Variants in RGS2 observed in about 807,000 individuals in gnomAD.
The protein encoded by RGS2 is regulator of G protein signaling 2.
In RGS2, 20 loss-of-function variants were observed where a neutral mutation model predicts 26.6. That is an observed-to-expected ratio of 0.75 (90% CI 0.53 to 1.09). The LOEUF (loss-of-function observed/expected upper bound fraction) is 1.09, where lower values mean the gene tolerates loss of function less well. Ranked by LOEUF, RGS2 falls within the 50% of genes least tolerant of loss-of-function variation. The pLI is 0.00. For synonymous variants in RGS2, 97 were observed against 79.9 expected (o/e 1.21, Z -1.14); for missense variants, 246 against 245.5 (o/e 1.00, Z -0.01).
At chr1:192,810,867 A>G in intron 3 of RGS2, 114 bp from the exon 4 acceptor site, 1 of 1,242,024 alleles carries the variant, frequency 8.1e-7, no homozygotes, top group South Asian at 1.2e-5. Context: ...TTTGAGCGAA[A>G]TCTAGAAAAT....
chr1:192,809,699 T>A (rs1294868929), intron 1 of RGS2, among the ~76,000 whole-genome samples: 4 of 151,828 alleles, frequency 2.6e-5, no homozygotes, highest in Admixed American at 2.6e-4. Flanking sequence ...GGGGAATCAG[T>A]CACCCACCTC....
In RGS2 at chr1:192,809,105, G is replaced by T. The variant is rs372230356; in HGVS notation, c.34G>T (p.Asp12Tyr). The T allele has an allele frequency of 4.3e-6, 7 of 1,613,914 alleles. No individual in the cohort carries two copies. The highest frequency in any genetic ancestry group is 1.3e-5 in the African/African-American group (1 of 74,920). The stretch of plus-strand genomic sequence containing the variant: ...TGCTATGTTCTTGGCTGTTCAACAC[G>T]ACTGCAGACCCATGGACAAGAGCGC... ...QSAMFLAVQHDCRPMDKSAGS... is the reference protein window; with the variant it reads ...QSAMFLAVQHYCRPMDKSAGS... Residue 12 changes from aspartate to tyrosine, a missense_variant, in exon 1 of 5, where the codon GAC becomes TAC. By Grantham distance (160) the Asp-to-Tyr change is radical. Coordinates refer to ENST00000235382, the MANE Select transcript of RGS2 (RefSeq NM_002923.4).
Position 192,811,070 on chromosome 1 carries a change from A to G in RGS2, c.364A>G (p.Thr122Ala). The G allele has an allele frequency of 6.2e-7, 1 of 1,614,166 alleles. No homozygotes were observed. Among genetic ancestry groups the G allele is most frequent in the Non-Finnish European group, 8.5e-7 (1 of 1,180,016 alleles). Residue 122 changes from threonine to alanine, a missense_variant, in exon 4 of 5, where the codon ACC (threonine) becomes GCC (alanine). Transcript: ENST00000235382. ...GCTGGCCTGTGAAGACTTCAAAAAAACCAAATCACCCCAAAAGCTGTCCTC... is the reference window on the plus strand; with the variant it reads ...GCTGGCCTGTGAAGACTTCAAAAAAGCCAAATCACCCCAAAAGCTGTCCTC... ...FWLACEDFKK[T>A]KSPQKLSSKA... is the part of the protein sequence containing the mutation.
chr1:192,810,733 C>G (rs186294942), intron 3 of RGS2: 1 of 609,838 alleles, frequency 1.6e-6, no homozygotes, highest in South Asian at 2.0e-5. Flanking sequence ...ATTTATGGCT[C>G]CCCTATAAAT....
intron 3 of RGS2, 199 bp downstream of exon 3, chr1:192,810,630 C>G: frequency 3.1e-6 from 2 of 651,030 alleles, no homozygotes; most frequent in South Asian, 3.5e-5. Flanking sequence ...AGAAAATCAG[C>G]CTAAACAAAT....
chr1:192,809,221 C>T, intron 1 of RGS2, 40 bp downstream of exon 1: 1 of 1,393,760 alleles, frequency 7.2e-7, no homozygotes, highest in Non-Finnish European at 1.0e-6. Context: ...ACCCCCTGCC[C>T]CACACTGCAA....
chr1:192,809,197 T>C lies in RGS2; in HGVS notation c.110+16T>C. The stretch of plus-strand genomic sequence containing the variant: ...AACGGACCCTGTGAGTATGGCTTTC[T>C]TCCCTCTCCCGCCACCCCCTGCCCC... On this transcript the variant is annotated intron_variant, in intron 1 of 4. Transcript: ENST00000235382. The C allele has an allele frequency of 6.4e-7, 1 of 1,554,268 alleles. No individual in the cohort carries two copies. Among genetic ancestry groups the C allele is most frequent in the South Asian group, 1.1e-5 (1 of 89,834 alleles).
rs1665543962 is a variant in RGS2, at chr1:192,809,081, G to A, written c.10G>A (p.Ala4Thr). The change falls in exon 1 of 5, where the codon GCT becomes ACT. Residue 4 changes from alanine to threonine, a missense_variant. Physicochemically the swap from Ala to Thr is moderately conservative, Grantham distance 58. Transcript: ENST00000235382. MQS[A>T]MFLAVQHDCR... is the part of the protein sequence containing the mutation. ...CAGCGGGAGAACGATAATGCAAAGT[G>A]CTATGTTCTTGGCTGTTCAACACGA... The A allele has an allele frequency of 5.6e-6, 9 of 1,612,528 alleles. No individual in the cohort carries two copies. Among genetic ancestry groups the A allele is most frequent in the Non-Finnish European group, 7.6e-6 (9 of 1,178,664 alleles).
chr1:192,811,732 G>T lies in RGS2; in HGVS notation c.*136G>T, dbSNP rs1665596252. The T allele has an allele frequency of 1.1e-6, 1 of 873,022 alleles. No individual in the cohort carries two copies. The highest frequency in any genetic ancestry group is 1.4e-5 in the South Asian group (1 of 71,924). The allele number at this position is 873,022 out of a possible 1,614,324, so 54.1% of individuals were successfully genotyped here. The stretch of plus-strand genomic sequence containing the variant: ...CATCACTCAGAACTATTGATTCAAA[G>T]TTGGGTAGTGAATCAGGAAGCCAGT... On this transcript the variant is annotated 3_prime_UTR_variant, in exon 5 of 5. Coordinates refer to ENST00000235382, the MANE Select transcript of RGS2 (RefSeq NM_002923.4).
Position 192,812,270 on chromosome 1 carries a change from ATT to A in RGS2, c.*675_*676del, listed in dbSNP as rs1351926122. The A allele has an allele frequency of 6.5e-6, 1 of 152,772 alleles. No individual in the cohort carries two copies. The highest frequency in any genetic ancestry group is 2.4e-5 in the African/African-American group (1 of 41,454). 9.5% of individuals were successfully genotyped at this position (152,772 alleles called of 1,614,324 possible). Reference sequence around the variant, plus strand: ...TAATAAATTTATTTTGATAAATAATATTGAACACTTGGAGTCTAGATGTGATT... The same window carrying A: ...TAATAAATTTATTTTGATAAATAATAGAACACTTGGAGTCTAGATGTGATT... On this transcript the variant is annotated 3_prime_UTR_variant, in exon 5 of 5. Coordinates refer to ENST00000235382, the MANE Select transcript of RGS2 (RefSeq NM_002923.4).
rs1215294202 is a variant in RGS2 at position 192,811,904 on chromosome 1, A to C, written c.*308A>C. ...GAGACAATGTAATACTGTTGGTCCA[A>C]AAGCATTTAAAATCAATAGATCTGG... On this transcript the variant is annotated 3_prime_UTR_variant, in exon 5 of 5. Coordinates refer to ENST00000235382, the MANE Select transcript of RGS2 (RefSeq NM_002923.4). 2.5e-6 allele frequency: 1 copy of C among 395,666 alleles called. No individual in the cohort carries two copies. Among genetic ancestry groups the C allele is most frequent in the Non-Finnish European group, 4.8e-6 (1 of 210,488 alleles). 24.5% of individuals were successfully genotyped at this position (395,666 alleles called of 1,614,324 possible). A position where few individuals can be genotyped will look rare whatever the true frequency, so the allele number is the denominator to read the frequency against.
chr1:192,810,721 G>C, intron 3 of RGS2: 2 of 609,340 alleles, frequency 3.3e-6, no homozygotes, highest in Non-Finnish European at 2.9e-6. Context: ...AGTTCCCAGA[G>C]AATTTATGGC....
chr1:192,810,280 T>C lies in RGS2; in HGVS notation c.212+13T>C. 1 of 1,610,580 alleles carries C rather than the reference T, an allele frequency of 6.2e-7. No individual in the cohort carries two copies. The highest frequency in any genetic ancestry group is 8.5e-7 in the Non-Finnish European group (1 of 1,176,718). On this transcript the variant is annotated intron_variant, in intron 2 of 4. Coordinates refer to ENST00000235382, the MANE Select transcript of RGS2 (RefSeq NM_002923.4). ...AAGCTTTCATCAAGTAAGTTGAGAA[T>C]CCTGTGCTTGCAAATATCAATAGTT...
intron 4 of RGS2, 106 bp downstream of exon 4, chr1:192,811,253 C>T: frequency 7.2e-7 from 1 of 1,395,010 alleles, no homozygotes; most frequent in Non-Finnish European, 1.0e-6. Flanking sequence ...AAAAGTCCCT[C>T]CACGTTGTAG....
At chr1:192,810,867 A>T (rs1665579275) in intron 3 of RGS2, 114 bp from the exon 4 acceptor site, 1 of 1,241,906 alleles carries the variant, frequency 8.1e-7, no homozygotes, top group Admixed American at 1.7e-5. Flanking sequence ...TTTGAGCGAA[A>T]TCTAGAAAAT....
intron 4 of RGS2, 124 bp from the exon 5 acceptor site, chr1:192,811,278 A>AT (rs1233468925): frequency 3.0e-6 from 4 of 1,316,472 alleles, no homozygotes; most frequent in Non-Finnish European, 4.3e-6. Context: ...CAGTTATGTT[A>AT]AAGTTCTCCT....
In RGS2 at chr1:192,809,076, A is replaced by T. The variant is rs141030117; in HGVS notation, c.5A>T (p.Gln2Leu). Reference protein sequence around the residue: MQSAMFLAVQHD... With the variant: MLSAMFLAVQHD... ...GGCTCCAGCGGGAGAACGATAATGC[A>T]AAGTGCTATGTTCTTGGCTGTTCAA... The change falls in exon 1 of 5, where the codon CAA (glutamine) becomes CTA (leucine). Residue 2 changes from glutamine to leucine, a missense_variant. Physicochemically the swap from Gln to Leu is moderately radical, Grantham distance 113. Coordinates refer to ENST00000235382, the MANE Select transcript of RGS2 (RefSeq NM_002923.4). The T allele has an allele frequency of 1.9e-6, 3 of 1,611,876 alleles. No homozygotes were observed. The East Asian group carries it at 6.7e-5, about 36-fold the overall frequency.
At chr1:192,809,782 C>G (rs1665555360) in intron 1 of RGS2, among the ~76,000 whole-genome samples, 1 of 152,154 alleles carries the variant, frequency 6.6e-6, no homozygotes, top group African/African-American at 2.4e-5. Flanking sequence ...CCAGACAGTT[C>G]CATGTCTGTC....
At position 192,811,599 on chromosome 1, in the gene RGS2, T is replaced by C; in HGVS notation, c.*3T>C. On this transcript the variant is annotated 3_prime_UTR_variant, in exon 5 of 5. Coordinates refer to ENST00000235382, the MANE Select transcript of RGS2 (RefSeq NM_002923.4). ...CCACAGAGCCTCATGCTACATGAAA[T>C]GTAAAAGGGAGCCCAGAAATGGAGG... is the stretch of plus-strand genomic sequence containing the variant. 1 of 1,613,644 alleles carries C rather than the reference T, an allele frequency of 6.2e-7. No homozygotes were observed. Among genetic ancestry groups the C allele is most frequent in the Non-Finnish European group, 8.5e-7 (1 of 1,179,566 alleles).
Sources: gnomAD v4.1 joint callset for allele counts (sites outside exome capture counted in the v4.1 genomes callset) on GRCh38, gnomAD v4.1.1 for gene constraint, MANE v1.5 for transcripts, NCBI Gene and HGNC (gene_info 2026-07-23, HGNC 2026-07-21) for gene names.